The following SNTG2 variants were observed in gnomAD, a reference collection of about 807,000 sequenced individuals.
SNTG2 encodes gamma-2-syntrophin.
A neutral mutation model predicts 70.9 loss-of-function variants in SNTG2; 74 were observed. The ratio of observed to expected loss-of-function variants is 1.04; its 90% CI spans 0.86 to 1.27. SNTG2 has a LOEUF of 1.27. Among genes scored for constraint, SNTG2 ranks in the 50% most tolerant of loss-of-function variants. The pLI, the probability that SNTG2 is intolerant of heterozygous loss-of-function variation, is 0.00. For missense variants in SNTG2, 717 were observed against 690.7 expected (o/e 1.04, Z -0.43); for synonymous variants, 278 against 273.8 (o/e 1.02, Z -0.15).
intron 1 of SNTG2, among the ~76,000 whole-genome samples, 188 bp downstream of exon 1, chr2:951,256 G>A (rs1659950778): frequency 6.6e-6 from 1 of 152,296 alleles, no homozygotes; most frequent in Middle Eastern, 3.4e-3. Flanking sequence ...CCCCCTGGCC[G>A]CTCTGCTCCC....
intron 9 of SNTG2, among the ~76,000 whole-genome samples, chr2:1,224,551 C>G (rs781775488): frequency 7.9e-5 from 12 of 152,176 alleles, no homozygotes; most frequent in Non-Finnish European, 1.3e-4. Flanking sequence ...AGGCCCCTCA[C>G]CTGGAGTGTC....
chr2:1,105,812 G>C (rs1481513347), intron 4 of SNTG2, among the ~76,000 whole-genome samples: 1 of 152,108 alleles, frequency 6.6e-6, no homozygotes, highest in African/African-American at 2.4e-5. Flanking sequence ...AGCCACATTT[G>C]TCTCCTCCCT....
chr2:1,233,025 G>A (rs772645475), intron 9 of SNTG2, among the ~76,000 whole-genome samples: 4 of 152,226 alleles, frequency 2.6e-5, no homozygotes, highest in Non-Finnish European at 5.9e-5. Context: ...GGAGTGACAG[G>A]CTGTGGTTGT....
chr2:1,147,473 A>G (rs1669176102), intron 6 of SNTG2, among the ~76,000 whole-genome samples: 1 of 152,352 alleles, frequency 6.6e-6, no homozygotes, highest in Non-Finnish European at 1.5e-5. Context: ...CCCATGCTGG[A>G]TGCTTCCTGC....
At chr2:1,356,090 C>A (rs1391305976) in intron 16 of SNTG2, among the ~76,000 whole-genome samples, 2 of 152,132 alleles carry the variant, frequency 1.3e-5, no homozygotes, top group Admixed American at 1.3e-4. Flanking sequence ...TGGACATTAA[C>A]CCCTGATTAG....
intron 14 of SNTG2, among the ~76,000 whole-genome samples, chr2:1,297,824 A>T (rs1680288255): frequency 6.6e-6 from 1 of 152,232 alleles, no homozygotes; most frequent in African/African-American, 2.4e-5. Context: ...GTCTCCTAGG[A>T]GACTCCATCT....
intron 1 of SNTG2, among the ~76,000 whole-genome samples, chr2:1,037,163 A>G (rs1661177622): frequency 6.6e-6 from 1 of 152,132 alleles, no homozygotes; most frequent in Non-Finnish European, 1.5e-5. Context: ...AGGGCTCTCC[A>G]TCTGCCTTCT....
In SNTG2 at chr2:1,302,158, A is replaced by G. The variant is rs889851810; in HGVS notation, c.1285-6336A>G. Among the ~76,000 whole-genome samples the G allele has an allele frequency of 2.6e-5, 4 of 152,122 alleles. No homozygotes were observed. In the East Asian group the frequency reaches 7.7e-4, roughly 29 times the overall value. On this transcript the variant is annotated intron_variant, in intron 14 of 16. Coordinates refer to ENST00000308624, the MANE Select transcript of SNTG2 (RefSeq NM_018968.4). ...TTGTATTTAGTAGAGACAGGGTTTC[A>G]TCATGTTAGCCAGGCTGGTCTCGAT...
intron 1 of SNTG2, among the ~76,000 whole-genome samples, chr2:1,075,144 G>T (rs964816231): frequency 6.6e-6 from 1 of 152,174 alleles, no homozygotes; most frequent in Admixed American, 6.5e-5. Flanking sequence ...TAAGAAAAAT[G>T]GATCAGATGA....
chr2:1,281,344 T>G (rs1679522572), intron 14 of SNTG2, among the ~76,000 whole-genome samples: 1 of 98,824 alleles, frequency 1.0e-5, no homozygotes, highest in Non-Finnish European at 2.0e-5. Context: ...TGTGGTGGTA[T>G]GTGTGTGCTT....
intron 1 of SNTG2, among the ~76,000 whole-genome samples, chr2:959,847 G>C (rs1368859361): frequency 6.6e-6 from 1 of 151,604 alleles, no homozygotes; most frequent in Non-Finnish European, 1.5e-5. Flanking sequence ...CATGGTATCC[G>C]TATCTCAGTA....
At chr2:1,319,354 A>G (rs1681423107) in intron 16 of SNTG2, among the ~76,000 whole-genome samples, 1 of 152,310 alleles carries the variant, frequency 6.6e-6, no homozygotes, top group East Asian at 1.9e-4. Flanking sequence ...GAAATTTTTT[A>G]TGAAAAAAAA....
At chr2:1,226,965 A>G (rs937335094) in intron 9 of SNTG2, among the ~76,000 whole-genome samples, 5 of 152,228 alleles carry the variant, frequency 3.3e-5, no homozygotes, top group Non-Finnish European at 5.9e-5. Flanking sequence ...CACACTTCAC[A>G]GCACCTGTAA....
Position 1,221,989 on chromosome 2 carries a change from GTC to G in SNTG2, c.719+12763_719+12764del, listed in dbSNP as rs1273680108. On this transcript the variant is annotated intron_variant, in intron 9 of 16. Transcript: ENST00000308624. ...TCTGTCTCTGTCTCTGTCTCTCTCTGTCTCTGTCTCTGTCTCTCTCTGTCTCT... is the reference window on the plus strand; with the variant it reads ...TCTGTCTCTGTCTCTGTCTCTCTCTGTCTGTCTCTGTCTCTCTCTGTCTCT... 8.0e-4 allele frequency among the ~76,000 whole-genome samples: 2 copies of G among 2,506 alleles called. 1 individual carries two copies. Among genetic ancestry groups the G allele is most frequent in the South Asian group, 0.038 (2 of 52 alleles). The allele number at this position is 2,506 out of a possible 152,430, so 1.6% of individuals were successfully genotyped here. A position where few individuals can be genotyped will look rare whatever the true frequency, so the allele number is the denominator to read the frequency against.
chr2:982,769 G>A (rs1332795834), intron 1 of SNTG2, among the ~76,000 whole-genome samples: 1 of 152,168 alleles, frequency 6.6e-6, no homozygotes, highest in Non-Finnish European at 1.5e-5. Context: ...ATTGACCGTG[G>A]CCCTCATTCA....
chr2:1,326,893 CT>C (rs1332764071), intron 16 of SNTG2, among the ~76,000 whole-genome samples: 4 of 151,864 alleles, frequency 2.6e-5, no homozygotes, highest in African/African-American at 9.7e-5. Context: ...TTTCTTTCTT[CT>C]TTTATTCTTT....
rs180680031 is a variant in SNTG2, at chr2:959,152, C to T, written c.72+8084C>T. On this transcript the variant is annotated intron_variant, in intron 1 of 16. Transcript: ENST00000308624. ...TGAATAATATTGTAAATTTAGTAAT[C>T]GAATAAAGAGGAAAATCTAGTAGCT... is the stretch of plus-strand genomic sequence containing the variant. Among the ~76,000 whole-genome samples, 41 of 151,502 alleles carry T rather than the reference C, an allele frequency of 2.7e-4. No homozygotes were observed. In the East Asian group the frequency reaches 7.4e-3, roughly 27 times the overall value.
At chr2:1,277,849 C>T (rs1267889527) in intron 14 of SNTG2, among the ~76,000 whole-genome samples, 1 of 152,182 alleles carries the variant, frequency 6.6e-6, no homozygotes, top group African/African-American at 2.4e-5. Context: ...GGGGCACAGC[C>T]TCATAGACAA....
intron 4 of SNTG2, among the ~76,000 whole-genome samples, chr2:1,121,677 G>A (rs971830016): frequency 2.0e-5 from 3 of 152,058 alleles, no homozygotes; most frequent in African/African-American, 7.2e-5. Context: ...AGAGAATGAA[G>A]GCAGGAGGAA....
Sources: gnomAD v4.1 joint callset for allele counts (sites outside exome capture counted in the v4.1 genomes callset) on GRCh38, gnomAD v4.1.1 for gene constraint, MANE v1.5 for transcripts, NCBI Gene and HGNC (gene_info 2026-07-23, HGNC 2026-07-21) for gene names.